MAGI1: variants seen among roughly 807,000 people sequenced by gnomAD.
The protein encoded by MAGI1 is membrane-associated guanylate kinase, WW and PDZ domain-containing protein 1.
A neutral mutation model predicts 139.9 loss-of-function variants in MAGI1; 58 were observed. The ratio of observed to expected loss-of-function variants is 0.41; its 90% CI spans 0.34 to 0.52. The LOEUF (loss-of-function observed/expected upper bound fraction) is 0.52, where lower values mean the gene tolerates loss of function less well. Among genes scored for constraint, MAGI1 ranks in the 20% least tolerant of loss-of-function variants. MAGI1 has a pLI of 0.12. For missense variants in MAGI1, 1,874 were observed against 1,901.6 expected (o/e 0.99, Z 0.27); for synonymous variants, 812 against 737.9 (o/e 1.10, Z -1.63).
At chr3:65,578,260 G>C (rs1026023047) in intron 2 of MAGI1, among the ~76,000 whole-genome samples, 1 of 152,040 alleles carries the variant, frequency 6.6e-6, no homozygotes, top group African/African-American at 2.4e-5. Context: ...ATTTCTGCCA[G>C]GAATCACACA....
chr3:65,769,676 C>A (rs1293520124), intron 1 of MAGI1, among the ~76,000 whole-genome samples: 1 of 152,070 alleles, frequency 6.6e-6, no homozygotes, highest in Non-Finnish European at 1.5e-5. Context: ...CCCTATTTGA[C>A]TTTGATGATA....
At chr3:65,361,069 A>G in intron 22 of MAGI1, 130 bp downstream of exon 22, 1 of 1,564,890 alleles carries the variant, frequency 6.4e-7, no homozygotes, top group Non-Finnish European at 8.7e-7. Context: ...GCAAATAATC[A>G]CATGGTGCGA....
intron 1 of MAGI1, among the ~76,000 whole-genome samples, chr3:65,628,402 C>T (rs936175057): frequency 2.0e-5 from 3 of 152,022 alleles, no homozygotes; most frequent in African/African-American, 7.2e-5. Context: ...AGAACAAAGT[C>T]CAGAGAAAAT....
At chr3:65,544,354 G>C (rs1245838309) in intron 2 of MAGI1, among the ~76,000 whole-genome samples, 2 of 152,100 alleles carry the variant, frequency 1.3e-5, no homozygotes, top group East Asian at 3.9e-4. Context: ...ATGCAGCAGG[G>C]ATAATGCACA....
At chr3:65,598,849 C>T (rs2082352335) in intron 2 of MAGI1, among the ~76,000 whole-genome samples, 1 of 152,222 alleles carries the variant, frequency 6.6e-6, no homozygotes, top group African/African-American at 2.4e-5. Flanking sequence ...CCTTCCTCTT[C>T]ATCCACCTTA....
intron 5 of MAGI1, among the ~76,000 whole-genome samples, chr3:65,460,073 G>T (rs1263352222): frequency 6.6e-6 from 1 of 152,202 alleles, no homozygotes; most frequent in Non-Finnish European, 1.5e-5. Context: ...ACAAGTCAAA[G>T]AAATTTCCCT....
intron 1 of MAGI1, among the ~76,000 whole-genome samples, chr3:65,704,837 C>T (rs1259165338): frequency 6.6e-6 from 1 of 152,018 alleles, no homozygotes; most frequent in Non-Finnish European, 1.5e-5. Context: ...CTCTAGACCC[C>T]GTCTCATCAC....
At chr3:65,504,479 A>T (rs1293109358) in intron 2 of MAGI1, among the ~76,000 whole-genome samples, 1 of 152,216 alleles carries the variant, frequency 6.6e-6, no homozygotes, top group African/African-American at 2.4e-5. Context: ...CACAGCTGGT[A>T]AGTGTCAGGA....
intron 1 of MAGI1, among the ~76,000 whole-genome samples, chr3:66,026,531 G>T (rs1287385817): frequency 6.6e-6 from 1 of 150,690 alleles, no homozygotes; most frequent in Non-Finnish European, 1.5e-5. Flanking sequence ...TACCTACAGA[G>T]GGCAGAGACT....
Position 65,375,767 on chromosome 3 carries a change from G to A in MAGI1, c.3174C>T (p.Thr1058=), listed in dbSNP as rs762078815. 3.7e-6 allele frequency: 6 copies of A among 1,613,356 alleles called. No homozygotes were observed. The highest frequency in any genetic ancestry group is 4.2e-6 in the Non-Finnish European group (5 of 1,179,520). ...NLIKEAGNTV[T]LRIIPGDESS... is the part of the protein sequence containing the mutation. ...TACCATCCCCAGGAATGATGCGGAG[G>A]GTAACTGTGTTTCCCGCTTCCTTGA... Residue 1058 remains threonine, a synonymous_variant, in exon 18 of 23, where the codon ACC becomes ACT. Coordinates refer to ENST00000402939, the MANE Select transcript of MAGI1 (RefSeq NM_001033057.2).
intron 1 of MAGI1, among the ~76,000 whole-genome samples, chr3:65,996,341 G>A (rs183815336): frequency 2.8e-4 from 43 of 152,022 alleles, no homozygotes; most frequent in African/African-American, 9.4e-4. Flanking sequence ...TTTTTATACT[G>A]CACCTAACCC....
chr3:65,504,620 G>C (rs1453320698), intron 2 of MAGI1, among the ~76,000 whole-genome samples: 1 of 152,082 alleles, frequency 6.6e-6, no homozygotes, highest in African/African-American at 2.4e-5. Context: ...CTTCACCCAG[G>C]GTTGAATAAA....
intron 1 of MAGI1, among the ~76,000 whole-genome samples, chr3:65,779,015 C>G (rs1156421947): frequency 6.6e-6 from 1 of 152,152 alleles, no homozygotes; most frequent in Non-Finnish European, 1.5e-5. Flanking sequence ...TGCCTGCTCC[C>G]AAACCCCAGA....
chr3:65,509,773 T>C (rs4688573), intron 2 of MAGI1, among the ~76,000 whole-genome samples: 35,607 of 151,664 alleles, frequency 0.23, 4,368 homozygotes, highest in Middle Eastern at 0.31. Context: ...ACAAAGCAGC[T>C]GGGAAGCTCG....
chr3:65,680,782 T>TGATAC (rs2087534422), intron 1 of MAGI1, among the ~76,000 whole-genome samples: 1 of 136,204 alleles, frequency 7.3e-6, no homozygotes, highest in African/African-American at 3.7e-5. Context: ...TGATATGATA[T>TGATAC]GATATGATAT....
intron 1 of MAGI1, among the ~76,000 whole-genome samples, chr3:65,645,362 A>G (rs778955066): frequency 3.9e-4 from 59 of 152,288 alleles, no homozygotes; most frequent in Non-Finnish European, 8.1e-4. Flanking sequence ...ATCAGAAACC[A>G]TGGAAACCTA....
At chr3:65,752,563 T>C (rs2036238245) in intron 1 of MAGI1, among the ~76,000 whole-genome samples, 2 of 152,220 alleles carry the variant, frequency 1.3e-5, no homozygotes, top group African/African-American at 2.4e-5. Flanking sequence ...TTTCTAAGCA[T>C]ACAGAAGCAA....
chr3:65,967,073 G>T (rs2064786698), intron 1 of MAGI1, among the ~76,000 whole-genome samples: 1 of 152,110 alleles, frequency 6.6e-6, no homozygotes, highest in South Asian at 2.1e-4. Context: ...CAGAGTTAGT[G>T]GACAGTAGAC....
At chr3:65,373,014 G>C (rs974824327) in intron 18 of MAGI1, among the ~76,000 whole-genome samples, 1 of 152,194 alleles carries the variant, frequency 6.6e-6, no homozygotes. Context: ...GTGTTCTCTG[G>C]AGTGGCACTT....
Sources: allele counts gnomAD v4.1 joint callset (sites outside exome capture counted in the v4.1 genomes callset), GRCh38; gene constraint gnomAD v4.1.1; transcripts MANE v1.5; gene names NCBI Gene and HGNC (gene_info 2026-07-23, HGNC 2026-07-21).